Variants in SLC30A8 observed in about 807,000 individuals in gnomAD.
SLC30A8 encodes the protein solute carrier family 30 member 8, also known as proton-coupled zinc antiporter SLC30A8.
Under a neutral mutation model 36.9 loss-of-function variants are expected in SLC30A8, and 27 were observed. The ratio of observed to expected loss-of-function variants is 0.73; its 90% CI spans 0.54 to 1.01. The LOEUF is 1.01. Ranked by LOEUF, SLC30A8 falls within the 50% of genes least tolerant of loss-of-function variation. The pLI, the probability that SLC30A8 is intolerant of heterozygous loss-of-function variation, is 0.00. For missense variants in SLC30A8, 439 were observed against 452.0 expected, an observed-to-expected ratio of 0.97 and a Z score of 0.26; for synonymous variants, 164 against 172.4, an observed-to-expected ratio of 0.95 and a Z score of 0.38.
chr8:117,161,840 A>T lies in SLC30A8; in HGVS notation c.675A>T (p.Leu225=). 2 of 1,613,968 alleles carry T rather than the reference A, an allele frequency of 1.2e-6. No individual in the cohort carries two copies. The highest frequency in any genetic ancestry group is 1.7e-6 in the Non-Finnish European group (2 of 1,179,886). ...RAAFVHALGD[L]FQSISVLISA... ...CTTTTGTGCATGCCCTTGGAGATCT[A>T]TTTCAGAGTATCAGTGTGCTAATTA... is the stretch of plus-strand genomic sequence containing the variant. The change falls in exon 5 of 8, where the codon CTA becomes CTT. Residue 225 remains leucine (L), a synonymous_variant. Transcript: ENST00000456015.
intron 2 of SLC30A8, among the ~76,000 whole-genome samples, chr8:117,150,847 C>T (rs1270242550): frequency 6.6e-6 from 1 of 152,030 alleles, no homozygotes; most frequent in East Asian, 1.9e-4. Flanking sequence ...CCTCGTGATC[C>T]GCCCGCCTCT....
intron 2 of SLC30A8, among the ~76,000 whole-genome samples, chr8:117,119,818 G>A (rs141994280): frequency 6.6e-6 from 1 of 151,954 alleles, no homozygotes; most frequent in Admixed American, 6.6e-5. Context: ...AATCAGTTGT[G>A]TTTCTATACA....
intron 2 of SLC30A8, 105 bp downstream of exon 2, chr8:117,147,258 T>G: frequency 1.0e-6 from 1 of 978,596 alleles, no homozygotes; most frequent in Non-Finnish European, 1.5e-6. Flanking sequence ...ATATTTTCTG[T>G]AAGTATAAGG....
chr8:117,003,294 C>T (rs190795044), intron 1 of SLC30A8, among the ~76,000 whole-genome samples: 51 of 152,238 alleles, frequency 3.4e-4, no homozygotes, highest in African/African-American at 1.2e-3. Context: ...TAAGAACTAC[C>T]ATTTATTGAG....
intron 1 of SLC30A8, among the ~76,000 whole-genome samples, chr8:116,953,841 C>T (rs996454028): frequency 7.2e-5 from 11 of 152,006 alleles, no homozygotes; most frequent in African/African-American, 2.7e-4. Context: ...AATAGAGTTC[C>T]AGAAGATCTC....
intron 1 of SLC30A8, among the ~76,000 whole-genome samples, chr8:117,010,929 C>T (rs538404190): frequency 9.2e-5 from 14 of 152,262 alleles, no homozygotes; most frequent in South Asian, 4.1e-4. Flanking sequence ...AAACTGCCCC[C>T]GTGATCCAAT....
chr8:116,972,231 G>A (rs758952965), intron 1 of SLC30A8, among the ~76,000 whole-genome samples: 2 of 152,106 alleles, frequency 1.3e-5, no homozygotes, highest in Non-Finnish European at 2.9e-5. Context: ...GCTCCTGATG[G>A]CACAAAGATC....
chr8:116,987,910 G>C (rs1815503836), intron 1 of SLC30A8, among the ~76,000 whole-genome samples: 1 of 152,178 alleles, frequency 6.6e-6, no homozygotes. Flanking sequence ...TGTTGGCCAG[G>C]CTGGTCTCGA....
intron 2 of SLC30A8, among the ~76,000 whole-genome samples, chr8:117,080,858 G>A (rs532344800): frequency 4.6e-5 from 7 of 152,204 alleles, no homozygotes; most frequent in African/African-American, 1.7e-4. Context: ...ACTTAGTAGT[G>A]GGATTGCTGG....
chr8:117,009,591 C>G (rs1331966500), intron 1 of SLC30A8, among the ~76,000 whole-genome samples: 1 of 152,122 alleles, frequency 6.6e-6, no homozygotes, highest in Non-Finnish European at 1.5e-5. Flanking sequence ...CATAGTTACT[C>G]TCAAAGGAAA....
At chr8:116,973,566 A>G (rs998799572) in intron 1 of SLC30A8, among the ~76,000 whole-genome samples, 3 of 152,254 alleles carry the variant, frequency 2.0e-5, no homozygotes, top group Non-Finnish European at 4.4e-5. Flanking sequence ...AGAACATTCC[A>G]TGCTCATGGG....
At chr8:116,975,212 T>A (rs1233140852) in intron 1 of SLC30A8, among the ~76,000 whole-genome samples, 1 of 152,076 alleles carries the variant, frequency 6.6e-6, no homozygotes, top group African/African-American at 2.4e-5. Flanking sequence ...CTCTTTTCCT[T>A]ATGGATAGGG....
At chr8:117,023,164 C>T (rs538076561) in intron 1 of SLC30A8, among the ~76,000 whole-genome samples, 2 of 152,288 alleles carry the variant, frequency 1.3e-5, no homozygotes, top group African/African-American at 4.8e-5. Flanking sequence ...ATAAAAACCA[C>T]AATGAGATAC....
intron 1 of SLC30A8, among the ~76,000 whole-genome samples, chr8:117,019,983 G>A (rs879836065): frequency 1.4e-4 from 21 of 152,160 alleles, no homozygotes; most frequent in East Asian, 1.2e-3. Context: ...AAGGCTAAGA[G>A]CTTAAGTACT....
At chr8:117,032,564 G>A (rs994329553) in intron 1 of SLC30A8, among the ~76,000 whole-genome samples, 1 of 152,156 alleles carries the variant, frequency 6.6e-6, no homozygotes, top group African/African-American at 2.4e-5. Context: ...CTTCATCAAA[G>A]TTTTTAAAAT....
chr8:117,129,088 G>A (rs1821028747), intron 2 of SLC30A8, among the ~76,000 whole-genome samples: 1 of 152,008 alleles, frequency 6.6e-6, no homozygotes, highest in South Asian at 2.1e-4. Flanking sequence ...TTAATACACT[G>A]TTGGGTGGCA....
intron 1 of SLC30A8, among the ~76,000 whole-genome samples, chr8:117,017,468 AT>A (rs1219718830): frequency 6.6e-6 from 1 of 152,104 alleles, no homozygotes; most frequent in Non-Finnish European, 1.5e-5. Context: ...CAGTCAAAAT[AT>A]TTGCTAAACA....
intron 2 of SLC30A8, among the ~76,000 whole-genome samples, chr8:117,050,005 T>C (rs1366618632): frequency 6.6e-6 from 1 of 152,192 alleles, no homozygotes; most frequent in African/African-American, 2.4e-5. Context: ...TTTCATTCAG[T>C]ATTTCTGTAC....
At chr8:117,166,819 T>A (rs997239208) in intron 6 of SLC30A8, among the ~76,000 whole-genome samples, 6 of 146,814 alleles carry the variant, frequency 4.1e-5, no homozygotes, top group Admixed American at 6.9e-5. Context: ...GTAGATCTGG[T>A]CTCAGAGTGC....
Sources: allele counts gnomAD v4.1 joint callset (sites outside exome capture counted in the v4.1 genomes callset), GRCh38; gene constraint gnomAD v4.1.1; transcripts MANE v1.5; gene names NCBI Gene and HGNC (gene_info 2026-07-23, HGNC 2026-07-21).